Variants in ITGA9 observed in about 807,000 individuals in gnomAD.
The protein encoded by ITGA9 is integrin alpha-9.
In ITGA9, 56 loss-of-function variants were observed where a neutral mutation model predicts 127.8. The observed-to-expected ratio is 0.44, with a 90% CI of 0.35 to 0.55. The LOEUF (loss-of-function observed/expected upper bound fraction) is 0.55, where lower values mean the gene tolerates loss of function less well. ITGA9 is among the 20% of genes least tolerant of loss of function. The probability of loss-of-function intolerance (pLI) is 0.00; values close to 1 mark genes in which losing one functional copy is unlikely to be tolerated. For synonymous variants in ITGA9, 508 were observed against 514.5 expected, an observed-to-expected ratio of 0.99 and a Z score of 0.17; for missense variants, 1,196 against 1,347.1, an observed-to-expected ratio of 0.89 and a Z score of 1.76.
At chr3:37,716,751 T>C (rs1454539176) in intron 18 of ITGA9, among the ~76,000 whole-genome samples, 1 of 151,776 alleles carries the variant, frequency 6.6e-6, no homozygotes, top group African/African-American at 2.4e-5. Context: ...CCCTTACTAT[T>C]TGTGTGTGCA....
chr3:37,790,333 C>A, intron 26 of ITGA9: 1 of 530,952 alleles, frequency 1.9e-6, no homozygotes, highest in Non-Finnish European at 3.8e-6. Flanking sequence ...TCACAGGAGG[C>A]TGTTGGTAGA....
At chr3:37,485,292 G>A (rs569525065) in intron 4 of ITGA9, among the ~76,000 whole-genome samples, 1 of 152,252 alleles carries the variant, frequency 6.6e-6, no homozygotes, top group East Asian at 1.9e-4. Context: ...GTGGAAATTC[G>A]AGACTGGTCA....
At chr3:37,591,999 T>A (rs1052105504) in intron 15 of ITGA9, among the ~76,000 whole-genome samples, 1 of 152,174 alleles carries the variant, frequency 6.6e-6, no homozygotes, top group Non-Finnish European at 1.5e-5. Flanking sequence ...CTGAACTTAG[T>A]CATGGGTGGA....
chr3:37,593,166 G>T (rs1477356783), intron 15 of ITGA9, among the ~76,000 whole-genome samples: 1 of 152,190 alleles, frequency 6.6e-6, no homozygotes, highest in Non-Finnish European at 1.5e-5. Flanking sequence ...TCAAGTCCCT[G>T]ATATAAGGTG....
At chr3:37,635,872 C>T (rs1163012495) in intron 16 of ITGA9, among the ~76,000 whole-genome samples, 1 of 148,118 alleles carries the variant, frequency 6.8e-6, no homozygotes, top group Non-Finnish European at 1.5e-5. Context: ...TGAGTGAGAA[C>T]ATGCGGTGTT....
intron 15 of ITGA9, among the ~76,000 whole-genome samples, chr3:37,566,428 G>T (rs1223321372): frequency 1.3e-5 from 2 of 152,162 alleles, no homozygotes; most frequent in Non-Finnish European, 2.9e-5. Flanking sequence ...AAAGATTCAG[G>T]TACCCTTTAC....
At chr3:37,666,006 A>G (rs1462274118) in intron 17 of ITGA9, among the ~76,000 whole-genome samples, 1 of 152,210 alleles carries the variant, frequency 6.6e-6, no homozygotes, top group Admixed American at 6.5e-5. Flanking sequence ...TACGGTGTTC[A>G]TTCGTTTGAC....
Position 37,517,595 on chromosome 3 carries a change from A to G in ITGA9, c.1127A>G (p.Asn376Ser), listed in dbSNP as rs1385707367. 21 of 1,583,064 alleles carry G rather than the reference A, an allele frequency of 1.3e-5. No individual in the cohort carries two copies. The highest frequency in any genetic ancestry group is 3.5e-5 in the South Asian group (3 of 86,044). Residue 376 changes from asparagine to serine, a missense_variant, in exon 10 of 28, where the codon AAT (asparagine) becomes AGT (serine). Coordinates refer to ENST00000264741, the MANE Select transcript of ITGA9 (RefSeq NM_002207.3). ...ATTGCCAGCCTGGACGATCTGGACA[A>G]TGATGGGTTCCCAGGTGAGTGAGTG... ...ESIASLDDLD[N>S]DGFPDVAIGA...
intron 13 of ITGA9, among the ~76,000 whole-genome samples, chr3:37,532,085 G>C (rs370262386): frequency 1.3e-5 from 2 of 152,234 alleles, no homozygotes; most frequent in African/African-American, 4.8e-5. Flanking sequence ...CTATAAGGAT[G>C]AACCCAGAAG....
At chr3:37,515,746 A>C (rs1698978182) in intron 9 of ITGA9, among the ~76,000 whole-genome samples, 1 of 152,146 alleles carries the variant, frequency 6.6e-6, no homozygotes, top group Non-Finnish European at 1.5e-5. Context: ...TCAGTTAGTC[A>C]ACAAGCCAAC....
chr3:37,735,846 T>C (rs186509260), intron 19 of ITGA9, among the ~76,000 whole-genome samples: 4 of 152,348 alleles, frequency 2.6e-5, no homozygotes, highest in Admixed American at 1.3e-4. Context: ...CTGAACAACA[T>C]TGACCCTAAC....
At position 37,736,990 on chromosome 3, in the gene ITGA9, G is replaced by C. The variant is rs1118148; in HGVS notation, c.2234+7G>C. ...TCATTGTTACTGCTCAGAGGTAAGGGGGGGGTTTAAACACTTTTTTCAAAG... is the reference window on the plus strand; with the variant it reads ...TCATTGTTACTGCTCAGAGGTAAGGCGGGGGTTTAAACACTTTTTTCAAAG... On this transcript the variant is annotated splice_region_variant and intron_variant, in intron 20 of 27. Coordinates refer to ENST00000264741, the MANE Select transcript of ITGA9 (RefSeq NM_002207.3). The C allele has an allele frequency of 0.25, 403,729 of 1,585,262 alleles. 57,836 individuals carry two copies. Among genetic ancestry groups the C allele is most frequent in the African/African-American group, 0.61 (45,298 of 73,938 alleles).
At chr3:37,496,634 A>G (rs1698733264) in intron 5 of ITGA9, among the ~76,000 whole-genome samples, 1 of 152,210 alleles carries the variant, frequency 6.6e-6, no homozygotes, top group East Asian at 1.9e-4. Context: ...CAGGAAAAAT[A>G]TCATGGTGCT....
Position 37,683,960 on chromosome 3 carries a change from C to G in ITGA9, c.2012C>G (p.Ala671Gly). The G allele has an allele frequency of 2.5e-6, 4 of 1,613,920 alleles. No individual in the cohort carries two copies. The highest frequency in any genetic ancestry group is 3.4e-6 in the Non-Finnish European group (4 of 1,179,872). Residue 671 changes from alanine (A) to glycine (G), a missense_variant, in exon 18 of 28, where the codon GCC becomes GGC. Ala to Gly is a moderately conservative substitution (Grantham distance 60). Transcript: ENST00000264741. ...ISNLGDDAYD[A>G]NVSFNVSREL... Reference sequence around the variant, plus strand: ...AACCTCGGAGATGATGCCTATGATGCCAACGTGTCCTTCAATGTTTCCCGG... The same window carrying G: ...AACCTCGGAGATGATGCCTATGATGGCAACGTGTCCTTCAATGTTTCCCGG...
At chr3:37,559,274 G>GCACACACACA (rs10569609) in intron 15 of ITGA9, among the ~76,000 whole-genome samples, 4 of 150,686 alleles carry the variant, frequency 2.7e-5, no homozygotes, top group Non-Finnish European at 5.9e-5. Flanking sequence ...AACTATGTGA[G>GCACACACACA]CACACACACA....
chr3:37,574,242 T>C (rs184052061), intron 15 of ITGA9, among the ~76,000 whole-genome samples: 2 of 152,360 alleles, frequency 1.3e-5, no homozygotes, highest in African/African-American at 4.8e-5. Flanking sequence ...TAATAGTGTA[T>C]TTCCTTTTTA....
chr3:37,550,180 G>C (rs1007910541), intron 15 of ITGA9, among the ~76,000 whole-genome samples: 9 of 152,140 alleles, frequency 5.9e-5, no homozygotes, highest in African/African-American at 2.2e-4. Flanking sequence ...CCTAAGACTT[G>C]GGTTTAAACC....
intron 22 of ITGA9, among the ~76,000 whole-genome samples, chr3:37,747,344 C>T (rs1696513725): frequency 6.6e-6 from 1 of 152,098 alleles, no homozygotes; most frequent in African/African-American, 2.4e-5. Context: ...GCATAATAAT[C>T]ATGTAAAATG....
At chr3:37,639,998 G>A (rs750005721) in intron 16 of ITGA9, among the ~76,000 whole-genome samples, 3 of 152,094 alleles carry the variant, frequency 2.0e-5, no homozygotes, top group Non-Finnish European at 2.9e-5. Context: ...ACAGAATAGC[G>A]CTCTGAAAAT....
Sources: gnomAD v4.1 joint callset for allele counts (sites outside exome capture counted in the v4.1 genomes callset) on GRCh38, gnomAD v4.1.1 for gene constraint, MANE v1.5 for transcripts, NCBI Gene and HGNC (gene_info 2026-07-23, HGNC 2026-07-21) for gene names.